The following PKNOX2 variants were observed in gnomAD, a reference collection of about 807,000 sequenced individuals.
PKNOX2 encodes homeobox protein PKNOX2.
A neutral mutation model predicts 53.1 loss-of-function variants in PKNOX2; 14 were observed. That is an observed-to-expected ratio of 0.26 (90% CI 0.17 to 0.41). The LOEUF is 0.41. Among genes scored for constraint, PKNOX2 ranks in the 10% least tolerant of loss-of-function variants. The pLI, the probability that PKNOX2 is intolerant of heterozygous loss-of-function variation, is 1.00. For missense variants in PKNOX2, 496 were observed against 602.8 expected, an observed-to-expected ratio of 0.82 and a Z score of 1.85; for synonymous variants, 257 against 242.8, an observed-to-expected ratio of 1.06 and a Z score of -0.54.
intron 5 of PKNOX2, among the ~76,000 whole-genome samples, chr11:125,382,211 G>A (rs1191788555): frequency 1.3e-5 from 2 of 152,198 alleles, no homozygotes; most frequent in African/African-American, 2.4e-5. Flanking sequence ...CTTATATACA[G>A]CATTAGCACA....
chr11:125,209,547 C>G (rs588855), intron 1 of PKNOX2, among the ~76,000 whole-genome samples: 72,863 of 151,570 alleles, frequency 0.48, 18,301 homozygotes, highest in African/African-American at 0.57. Flanking sequence ...ATAGCATGCT[C>G]AGGAAGAAGG....
intron 2 of PKNOX2, among the ~76,000 whole-genome samples, chr11:125,331,036 C>T (rs905062411): frequency 2.6e-5 from 4 of 151,022 alleles, no homozygotes; most frequent in Non-Finnish European, 4.4e-5. Context: ...CATCCTGGCT[C>T]CAAGCACAGC....
intron 6 of PKNOX2, among the ~76,000 whole-genome samples, chr11:125,389,742 A>G (rs1482033117): frequency 7.2e-5 from 11 of 152,230 alleles, no homozygotes. Flanking sequence ...ATATTATGCA[A>G]GATTTCAAAC....
At chr11:125,228,950 G>C (rs1009673999) in intron 1 of PKNOX2, among the ~76,000 whole-genome samples, 7 of 152,172 alleles carry the variant, frequency 4.6e-5, no homozygotes, top group South Asian at 4.1e-4. Context: ...GGTGGGGAAA[G>C]TGTCCACAAT....
intron 2 of PKNOX2, among the ~76,000 whole-genome samples, chr11:125,290,948 G>A (rs1947265828): frequency 1.3e-5 from 2 of 152,200 alleles, no homozygotes; most frequent in African/African-American, 2.4e-5. Context: ...GGTTAACCAG[G>A]AGAAGCTGAT....
rs143105005 is a variant in PKNOX2 at position 125,202,615 on chromosome 11, C to T, written c.-200-32430C>T. Among the ~76,000 whole-genome samples, 679 of 151,898 alleles carry T rather than the reference C, an allele frequency of 4.5e-3. 10 individuals carry two copies. Among genetic ancestry groups the T allele is most frequent in the African/African-American group, 0.016 (649 of 41,434 alleles). On this transcript the variant is annotated intron_variant, in intron 1 of 12. Transcript: ENST00000298282. ...AGTGCTGAGCACTGGCAGGGGACACCGAGGGATGTCTGGCATCCTCCATCC... is the reference window on the plus strand; with the variant it reads ...AGTGCTGAGCACTGGCAGGGGACACTGAGGGATGTCTGGCATCCTCCATCC...
chr11:125,202,083 C>T (rs747369189), intron 1 of PKNOX2, among the ~76,000 whole-genome samples: 12 of 152,220 alleles, frequency 7.9e-5, no homozygotes, highest in Non-Finnish European at 1.3e-4. Context: ...CCCAACAAGA[C>T]GGCCTTTGTA....
intron 3 of PKNOX2, among the ~76,000 whole-genome samples, chr11:125,338,116 G>A (rs535081462): frequency 2.3e-4 from 35 of 152,244 alleles, no homozygotes; most frequent in Middle Eastern, 3.4e-3. Context: ...CCCAGCATCC[G>A]CTCTCTGTCC....
intron 4 of PKNOX2, among the ~76,000 whole-genome samples, chr11:125,367,029 G>A (rs1181109808): frequency 1.3e-5 from 2 of 152,052 alleles, no homozygotes; most frequent in African/African-American, 4.8e-5. Flanking sequence ...GAACAGTTGA[G>A]GCTTATCATC....
intron 2 of PKNOX2, among the ~76,000 whole-genome samples, chr11:125,260,882 T>A (rs1944793334): frequency 6.6e-6 from 1 of 152,170 alleles, no homozygotes; most frequent in African/African-American, 2.4e-5. Flanking sequence ...AGAGGCCTTG[T>A]GGAGAAGTGG....
At chr11:125,411,462 TTCTCTCTCTCTCTCTCTCTCTCTC>T (rs3028442) in intron 9 of PKNOX2, 4 of 252,718 alleles carry the variant, frequency 1.6e-5, no homozygotes, top group Non-Finnish European at 2.9e-5. Context: ...TCCTCTGTCT[TTCTCTCTCTCTCTCTCTCTCTCTC>T]TCTCTCTCTC....
chr11:125,361,535 C>CT (rs928870023), intron 4 of PKNOX2, among the ~76,000 whole-genome samples: 3 of 152,052 alleles, frequency 2.0e-5, no homozygotes, highest in Non-Finnish European at 2.9e-5. Context: ...CAACCATCTT[C>CT]TTTTTTTTAT....
intron 2 of PKNOX2, among the ~76,000 whole-genome samples, chr11:125,291,288 A>G (rs910657039): frequency 2.0e-5 from 3 of 152,262 alleles, no homozygotes; most frequent in Middle Eastern, 6.8e-3. Context: ...CTGGTTGAGT[A>G]CCATGGGGAG....
At chr11:125,206,859 G>A (rs553369624) in intron 1 of PKNOX2, among the ~76,000 whole-genome samples, 1 of 152,094 alleles carries the variant, frequency 6.6e-6, no homozygotes, top group East Asian at 1.9e-4. Flanking sequence ...GATCACGTTG[G>A]CAGTATAAGA....
At position 125,318,381 on chromosome 11, in the gene PKNOX2, A is replaced by G. The variant is rs954471507; in HGVS notation, c.-129-13438A>G. Among the ~76,000 whole-genome samples, 3 of 151,980 alleles carry G rather than the reference A, an allele frequency of 2.0e-5. No individual in the cohort carries two copies. The East Asian group carries it at 5.8e-4, about 29-fold the overall frequency. On this transcript the variant is annotated intron_variant, in intron 2 of 12. Transcript: ENST00000298282. ...GGTGATCCACCCACCTTGGCCTCCAAAAGTGCTGGGATTACAGGTGTGAGC... is the reference window on the plus strand; with the variant it reads ...GGTGATCCACCCACCTTGGCCTCCAGAAGTGCTGGGATTACAGGTGTGAGC...
chr11:125,405,093 G>A (rs1002638546), intron 7 of PKNOX2, among the ~76,000 whole-genome samples: 3 of 152,168 alleles, frequency 2.0e-5, no homozygotes, highest in Non-Finnish European at 2.9e-5. Flanking sequence ...GGCTGGCTCC[G>A]CACTGCACCC....
chr11:125,395,972 T>A (rs1393387232), intron 6 of PKNOX2, among the ~76,000 whole-genome samples: 7 of 150,220 alleles, frequency 4.7e-5, no homozygotes, highest in Admixed American at 2.0e-4. Flanking sequence ...TTTTTTTTTT[T>A]AGATGGAGTT....
At chr11:125,339,815 A>AT (rs1408216736) in intron 3 of PKNOX2, among the ~76,000 whole-genome samples, 1 of 152,230 alleles carries the variant, frequency 6.6e-6, no homozygotes, top group Non-Finnish European at 1.5e-5. Context: ...ACATTATCAG[A>AT]TTCCAATTAT....
intron 4 of PKNOX2, among the ~76,000 whole-genome samples, chr11:125,360,888 A>G (rs1951887540): frequency 6.6e-6 from 1 of 152,206 alleles, no homozygotes; most frequent in African/African-American, 2.4e-5. Flanking sequence ...CCCTGGTTGA[A>G]AAAGGTTGAG....
Sources: gnomAD v4.1 joint callset for allele counts (sites outside exome capture counted in the v4.1 genomes callset) on GRCh38, gnomAD v4.1.1 for gene constraint, MANE v1.5 for transcripts, NCBI Gene and HGNC (gene_info 2026-07-23, HGNC 2026-07-21) for gene names.